The following BCR variants were observed in gnomAD, a reference collection of about 807,000 sequenced individuals.
BCR encodes the protein BCR activator of RhoGEF and GTPase, also known as breakpoint cluster region protein.
BCR carries 58 observed loss-of-function variants against 138.6 expected under a neutral mutation model. The ratio of observed to expected loss-of-function variants is 0.42; its 90% CI spans 0.34 to 0.52. BCR has a LOEUF of 0.52. BCR is among the 20% of genes least tolerant of loss of function. The pLI is 0.06. For missense variants in BCR, 1,599 were observed against 1,727.2 expected (o/e 0.93, Z 1.32); for synonymous variants, 786 against 730.1 (o/e 1.08, Z -1.23).
At chr22:23,183,874 G>T (rs184062679) in intron 1 of BCR, among the ~76,000 whole-genome samples, 2 of 152,328 alleles carry the variant, frequency 1.3e-5, no homozygotes, top group Admixed American at 6.5e-5. Context: ...ACTAGACGCC[G>T]AATGCAAGTC....
At chr22:23,208,300 G>GT (rs1447531357) in intron 1 of BCR, among the ~76,000 whole-genome samples, 1 of 152,188 alleles carries the variant, frequency 6.6e-6, no homozygotes, top group East Asian at 1.9e-4. Flanking sequence ...CCGTGTCTGT[G>GT]TGACACTGAA....
chr22:23,272,071 G>T (rs1173868389), intron 6 of BCR, among the ~76,000 whole-genome samples: 1 of 152,132 alleles, frequency 6.6e-6, no homozygotes, highest in Non-Finnish European at 1.5e-5. Flanking sequence ...AAGTGCCTTG[G>T]CCTCCCAAAG....
chr22:23,301,660 G>A (rs953532005), intron 16 of BCR, among the ~76,000 whole-genome samples: 9 of 152,234 alleles, frequency 5.9e-5, no homozygotes, highest in African/African-American at 2.2e-4. Flanking sequence ...CTGGGCCAAA[G>A]CCTGCCCTGG....
intron 8 of BCR, among the ~76,000 whole-genome samples, chr22:23,274,368 G>A (rs977818116): frequency 9.9e-5 from 15 of 152,208 alleles, no homozygotes; most frequent in Admixed American, 5.9e-4. Flanking sequence ...TGCCTGTGCC[G>A]CTCTGAGCCT....
At chr22:23,254,682 T>C (rs2073273026) in intron 2 of BCR, 1 of 480,566 alleles carries the variant, frequency 2.1e-6, no homozygotes, top group African/African-American at 2.0e-5. Context: ...CTCAGGGGGC[T>C]GCTTCAGCAA....
intron 21 of BCR, 51 bp downstream of exon 21, chr22:23,314,124 G>C: frequency 2.1e-6 from 3 of 1,457,224 alleles, no homozygotes; most frequent in Non-Finnish European, 2.9e-6. Context: ...CCAGGCCGCA[G>C]AGTGCCCCTC....
chr22:23,242,473 T>A (rs1029266887), intron 1 of BCR, among the ~76,000 whole-genome samples: 2 of 152,134 alleles, frequency 1.3e-5, no homozygotes, highest in South Asian at 4.1e-4. Context: ...TCGAAGTCAG[T>A]GTAGCCATCC....
intron 7 of BCR, 112 bp downstream of exon 7, chr22:23,273,245 T>A: frequency 8.3e-7 from 1 of 1,203,648 alleles, no homozygotes; most frequent in Non-Finnish European, 1.2e-6. Context: ...AAGGGGGTGC[T>A]ACTGGCATCT....
At chr22:23,288,219 G>T (rs754972502) in intron 12 of BCR, 47 bp downstream of exon 12, 3 of 1,558,838 alleles carry the variant, frequency 1.9e-6, no homozygotes, top group Non-Finnish European at 2.7e-6. Context: ...AACCATTAGG[G>T]CCAGGCTGGC....
rs200217387 is a variant in BCR, at chr22:23,273,067, C to T, written c.1922-14C>T. The T allele has an allele frequency of 3.7e-6, 6 of 1,611,278 alleles. No individual in the cohort carries two copies. In the East Asian group the frequency reaches 1.3e-4, roughly 36 times the overall value. On this transcript the variant is annotated splice_polypyrimidine_tract_variant and intron_variant, in intron 6 of 22. Coordinates refer to ENST00000305877, the MANE Select transcript of BCR (RefSeq NM_004327.4). ...CCATGTGCAACCTCTCTCACCTCCC[C>T]TCTCTCTCCACAGCTCTGCTCTACA... is the stretch of plus-strand genomic sequence containing the variant.
At chr22:23,275,526 G>C (rs2073566255) in intron 8 of BCR, among the ~76,000 whole-genome samples, 1 of 152,242 alleles carries the variant, frequency 6.6e-6, no homozygotes, top group African/African-American at 2.4e-5. Context: ...GTTGAGCAGT[G>C]CAAGTGTTCC....
chr22:23,258,728 C>G (rs983409284), intron 2 of BCR, among the ~76,000 whole-genome samples: 1 of 152,222 alleles, frequency 6.6e-6, no homozygotes, highest in African/African-American at 2.4e-5. Flanking sequence ...CAGAATCCTG[C>G]AAGGCACAGG....
At chr22:23,277,656 G>C (rs1415745007) in intron 8 of BCR, among the ~76,000 whole-genome samples, 1 of 152,170 alleles carries the variant, frequency 6.6e-6, no homozygotes, top group Non-Finnish European at 1.5e-5. Context: ...CCTCCTGGGA[G>C]GTGGCCCATT....
chr22:23,254,581 A>G (rs765382888), intron 2 of BCR: 2 of 518,358 alleles, frequency 3.9e-6, no homozygotes, highest in South Asian at 1.4e-5. Flanking sequence ...CCCCCCTCAC[A>G]TGAGAACGTA....
chr22:23,296,899 A>G (rs994442451), intron 16 of BCR, among the ~76,000 whole-genome samples: 1 of 152,246 alleles, frequency 6.6e-6, no homozygotes, highest in Non-Finnish European at 1.5e-5. Flanking sequence ...CAGATGGGCC[A>G]CACCACTCTT....
intron 2 of BCR, among the ~76,000 whole-genome samples, chr22:23,255,274 A>C (rs909932177): frequency 6.6e-6 from 1 of 152,188 alleles, no homozygotes; most frequent in African/African-American, 2.4e-5. Flanking sequence ...GGTAACATGT[A>C]CCTGCTCCGT....
intron 1 of BCR, among the ~76,000 whole-genome samples, chr22:23,183,022 T>C (rs570115508): frequency 6.6e-6 from 1 of 152,360 alleles, no homozygotes; most frequent in South Asian, 2.1e-4. Flanking sequence ...GACCCTCCAG[T>C]GTGCTCCTGC....
intron 2 of BCR, among the ~76,000 whole-genome samples, chr22:23,257,882 A>G (rs2073311954): frequency 6.6e-6 from 1 of 152,184 alleles, no homozygotes; most frequent in Non-Finnish European, 1.5e-5. Flanking sequence ...CGCAGCCAAC[A>G]CTAGGATACA....
In BCR at chr22:23,313,956, C is replaced by G; in HGVS notation, c.3458-12C>G. The G allele has an allele frequency of 6.2e-7, 1 of 1,611,782 alleles. No homozygotes were observed. The highest frequency in any genetic ancestry group is 8.5e-7 in the Non-Finnish European group (1 of 1,178,414). On this transcript the variant is annotated splice_polypyrimidine_tract_variant and intron_variant, in intron 20 of 22. Coordinates refer to ENST00000305877, the MANE Select transcript of BCR (RefSeq NM_004327.4). Reference sequence around the variant, plus strand: ...GTTGTGACCCCAAGGAGTAACCCACCGCCTTCTGCAGCTCTTTCAGACCCG... The same window carrying G: ...GTTGTGACCCCAAGGAGTAACCCACGGCCTTCTGCAGCTCTTTCAGACCCG...
Sources: allele counts gnomAD v4.1 joint callset (sites outside exome capture counted in the v4.1 genomes callset), GRCh38; gene constraint gnomAD v4.1.1; transcripts MANE v1.5; gene names NCBI Gene and HGNC (gene_info 2026-07-23, HGNC 2026-07-21).